EZR: variants seen among roughly 807,000 people sequenced by gnomAD.
The protein encoded by EZR is cytovillin 2.
Under a neutral mutation model 74.8 loss-of-function variants are expected in EZR, and 40 were observed. The ratio of observed to expected loss-of-function variants is 0.53; its 90% CI spans 0.42 to 0.70. The LOEUF is 0.70. Ranked by LOEUF, EZR falls within the 30% of genes least tolerant of loss-of-function variation. The pLI, the probability that EZR is intolerant of heterozygous loss-of-function variation, is 0.00. For missense variants in EZR, 678 were observed against 755.8 expected (o/e 0.90, Z 1.21); for synonymous variants, 341 against 283.3 (o/e 1.20, Z -2.05).
chr6:158,799,942 T>G (rs1235870248), intron 2 of EZR, among the ~76,000 whole-genome samples: 1 of 152,266 alleles, frequency 6.6e-6, no homozygotes, highest in East Asian at 1.9e-4. Context: ...CTGCTCCCAG[T>G]AACAGACTGT....
At chr6:158,812,104 T>C (rs1256005137) in intron 2 of EZR, among the ~76,000 whole-genome samples, 1 of 152,186 alleles carries the variant, frequency 6.6e-6, no homozygotes, top group African/African-American at 2.4e-5. Context: ...AAGAATATTA[T>C]GTTGAATGGC....
At chr6:158,812,120 C>T (rs1777462402) in intron 2 of EZR, among the ~76,000 whole-genome samples, 1 of 152,102 alleles carries the variant, frequency 6.6e-6, no homozygotes. Context: ...ATGGCCTGCC[C>T]AAGTATAGGT....
Position 158,766,687 on chromosome 6 carries a change from C to A in EZR, c.*227G>T, listed in dbSNP as rs1034225601. The A allele has an allele frequency of 1.0e-5, 6 of 571,950 alleles. No individual in the cohort carries two copies. In the East Asian group the frequency reaches 1.8e-4, roughly 17 times the overall value. 35.4% of individuals were successfully genotyped at this position (571,950 alleles called of 1,614,324 possible). ...TCCCAGCACAACACAGGAGGTGATT[C>A]GAGAATAATCGCGAGAATCAGGCCT... On this transcript the variant is annotated 3_prime_UTR_variant, in exon 14 of 14. Coordinates refer to ENST00000367075, the MANE Select transcript of EZR (RefSeq NM_001111077.2).
chr6:158,766,888 C>A lies in EZR; in HGVS notation c.*26G>T. ...CTGGCAGCGCCCGCTATGAGCACCC[C>A]TCTGCCCTTGGTCCTGGCCTGGCTG... On this transcript the variant is annotated 3_prime_UTR_variant, in exon 14 of 14. Coordinates refer to ENST00000367075, the MANE Select transcript of EZR (RefSeq NM_001111077.2). The A allele has an allele frequency of 6.2e-7, 1 of 1,610,334 alleles. No homozygotes were observed. The highest frequency in any genetic ancestry group is 2.2e-5 in the East Asian group (1 of 44,818).
Position 158,790,383 on chromosome 6 carries a change from C to A in EZR, c.13-1012G>T, listed in dbSNP as rs781114318. On this transcript the variant is annotated intron_variant, in intron 2 of 13. Coordinates refer to ENST00000367075, the MANE Select transcript of EZR (RefSeq NM_001111077.2). The stretch of plus-strand genomic sequence containing the variant: ...TTGCCATGTAGTTGTTTTAAAAAAA[C>A]AAAACACTGTCGGGCGCATTGGCTC... 3.2e-4 allele frequency among the ~76,000 whole-genome samples: 49 copies of A among 152,170 alleles called. 1 individual carries two copies. The highest frequency in any genetic ancestry group is 4.9e-4 in the Non-Finnish European group (33 of 68,036).
intron 4 of EZR, 132 bp downstream of exon 4, chr6:158,786,976 T>C: frequency 1.5e-6 from 1 of 673,622 alleles, no homozygotes; most frequent in Non-Finnish European, 2.6e-6. Context: ...TGCAACCTTT[T>C]TGTCTGTAAA....
intron 2 of EZR, among the ~76,000 whole-genome samples, chr6:158,794,689 G>A (rs915185491): frequency 2.0e-5 from 3 of 152,102 alleles, no homozygotes; most frequent in Non-Finnish European, 4.4e-5. Flanking sequence ...TGAAGGCAAC[G>A]CAATCACGTG....
Position 158,766,820 on chromosome 6 carries a change from G to C in EZR, c.*94C>G. The C allele has an allele frequency of 1.7e-6, 2 of 1,202,522 alleles. No individual in the cohort carries two copies. Among genetic ancestry groups the C allele is most frequent in the Admixed American group, 4.3e-5 (2 of 46,972 alleles). 74.5% of individuals were successfully genotyped at this position (1,202,522 alleles called of 1,614,324 possible). Reference sequence around the variant, plus strand: ...TTTCTAAAGGAACTGGGATCTGAGGGAGTTCCTAGACTTGGAGCACTAAAG... The same window carrying C: ...TTTCTAAAGGAACTGGGATCTGAGGCAGTTCCTAGACTTGGAGCACTAAAG... On this transcript the variant is annotated 3_prime_UTR_variant, in exon 14 of 14. Coordinates refer to ENST00000367075, the MANE Select transcript of EZR (RefSeq NM_001111077.2).
At chr6:158,796,931 T>C (rs1357485468) in intron 2 of EZR, among the ~76,000 whole-genome samples, 2 of 152,238 alleles carry the variant, frequency 1.3e-5, no homozygotes, top group African/African-American at 4.8e-5. Flanking sequence ...AAATGCCTTC[T>C]AAGAGTGTAA....
intron 2 of EZR, among the ~76,000 whole-genome samples, chr6:158,802,305 A>AC (rs1209185644): frequency 2.0e-5 from 3 of 152,218 alleles, no homozygotes; most frequent in African/African-American, 4.8e-5. Flanking sequence ...TGGGAGTACA[A>AC]CTTTTAACCT....
rs112867425 is a variant in EZR at position 158,806,801 on chromosome 6, T to C, written c.12+11281A>G. On this transcript the variant is annotated intron_variant, in intron 2 of 13. Transcript: ENST00000367075. ...TCTCACCATTATCTGTCTAAATCCA[T>C]TTAAGAGTCTCACCCAAACAGCAAT... Among the ~76,000 whole-genome samples the C allele has an allele frequency of 5.3e-3, 808 of 152,284 alleles. 5 individuals are homozygous for C. The highest frequency in any genetic ancestry group is 0.018 in the African/African-American group (766 of 41,550).
rs1312471031 is a variant in EZR at position 158,784,670 on chromosome 6, C to A, written c.525G>T (p.Trp175Cys). 3 of 1,614,144 alleles carry A rather than the reference C, an allele frequency of 1.9e-6. No individual in the cohort carries two copies. The highest frequency in any genetic ancestry group is 2.5e-6 in the Non-Finnish European group (3 of 1,180,000). ...TGAGCATCCCACGGTGTTCCGCATG[C>A]CACACCTGGATCCGGTCCTCCCACT... ...RDQWEDRIQV[W>C]HAEHRGMLKD... Residue 175 changes from tryptophan (W) to cysteine (C), a missense_variant, in exon 6 of 14, where the codon TGG (tryptophan) becomes TGT (cysteine). Trp to Cys is a radical substitution (Grantham distance 215). Coordinates refer to ENST00000367075, the MANE Select transcript of EZR (RefSeq NM_001111077.2).
Position 158,771,254 on chromosome 6 carries a change from G to A in EZR, c.949C>T (p.Gln317Ter), listed in dbSNP as rs1178527733. The change falls in exon 9 of 14, where the codon CAG becomes TAG. Residue 317 changes from glutamine (Q) to a stop codon, truncating the protein, a stop_gained. Coordinates refer to ENST00000367075, the MANE Select transcript of EZR (RefSeq NM_001111077.2). LOFTEE classifies it high-confidence loss of function. ...AQAREEKHQKQLERQQLETEK... is the reference protein window; with the variant it reads ...AQAREEKHQK ...GCCTCACGCGCTCACCGCTCCAGCT[G>A]CTTCTGATGCTTCTCCTCCCGGGCC... The A allele has an allele frequency of 1.2e-6, 2 of 1,612,846 alleles. No individual in the cohort carries two copies. The highest frequency in any genetic ancestry group is 1.7e-6 in the Non-Finnish European group (2 of 1,179,414).
At chr6:158,817,974 G>A in intron 2 of EZR, 108 bp downstream of exon 2, 4 of 1,090,656 alleles carry the variant, frequency 3.7e-6, no homozygotes, top group South Asian at 3.3e-5. Flanking sequence ...TCTTCTGCGT[G>A]TGAGAAGAAC....
intron 9 of EZR, 62 bp downstream of exon 9, chr6:158,771,182 T>TGG (rs10644842): frequency 0.71 from 1,099,207 of 1,550,262 alleles, 403,301 homozygotes; most frequent in Non-Finnish European, 0.76. Context: ...TGACAGGCAC[T>TGG]GGCTGCCAGT....
intron 12 of EZR, among the ~76,000 whole-genome samples, chr6:158,768,666 G>C (rs541461815): frequency 9.8e-5 from 15 of 152,288 alleles, no homozygotes; most frequent in Non-Finnish European, 1.6e-4. Flanking sequence ...CAGACGGAGC[G>C]ACAAGCTCTG....
chr6:158,815,496 GACA>G (rs1777535032), intron 2 of EZR, among the ~76,000 whole-genome samples: 1 of 152,188 alleles, frequency 6.6e-6, no homozygotes, highest in African/African-American at 2.4e-5. Flanking sequence ...TTTGTTTTCA[GACA>G]ACATCTCACT....
chr6:158,783,744 T>C (rs1791491181), intron 6 of EZR, 78 bp from the exon 7 acceptor site: 1 of 1,475,892 alleles, frequency 6.8e-7, no homozygotes, highest in Non-Finnish European at 9.2e-7. Flanking sequence ...CCAGTATTTT[T>C]AAATTAAGGC....
chr6:158,816,623 A>G (rs1449921556), intron 2 of EZR, among the ~76,000 whole-genome samples: 1 of 152,240 alleles, frequency 6.6e-6, no homozygotes, highest in African/African-American at 2.4e-5. Context: ...GTTTGAATTA[A>G]AAAGAAAAAT....
Sources: allele counts gnomAD v4.1 joint callset (sites outside exome capture counted in the v4.1 genomes callset), GRCh38; gene constraint gnomAD v4.1.1; transcripts MANE v1.5; gene names NCBI Gene and HGNC (gene_info 2026-07-23, HGNC 2026-07-21).